Variants in WDSUB1 observed in about 807,000 individuals in gnomAD.
WDSUB1 encodes the protein WD repeat, sterile alpha motif and U-box domain containing 1.
In WDSUB1, 49 loss-of-function variants were observed where a neutral mutation model predicts 53.9. That is an observed-to-expected ratio of 0.91 (90% CI 0.72 to 1.15). The LOEUF (loss-of-function observed/expected upper bound fraction) is 1.15. Among genes scored for constraint, WDSUB1 ranks in the 50% most tolerant of loss-of-function variants. The pLI, the probability that WDSUB1 is intolerant of heterozygous loss-of-function variation, is 0.00. For synonymous variants in WDSUB1, 194 were observed against 200.6 expected (o/e 0.97, Z 0.28); for missense variants, 514 against 562.0 (o/e 0.91, Z 0.86).
intron 5 of WDSUB1, among the ~76,000 whole-genome samples, chr2:159,269,339 T>G (rs1420444411): frequency 6.6e-6 from 1 of 151,986 alleles, no homozygotes; most frequent in Non-Finnish European, 1.5e-5. Flanking sequence ...CCTGGCTAAT[T>G]TTTGTATTTT....
At chr2:159,259,770 A>C in intron 6 of WDSUB1, 40 bp downstream of exon 6, 1 of 1,493,474 alleles carries the variant, frequency 6.7e-7, no homozygotes. Flanking sequence ...TCTAATAAAC[A>C]TAACTTTCAT....
At position 159,279,760 on chromosome 2, in the gene WDSUB1, C is replaced by G. The variant is rs1409672012; in HGVS notation, c.583+1G>C. On this transcript the variant is annotated splice_donor_variant, in intron 3 of 10. Coordinates refer to ENST00000359774, the MANE Select transcript of WDSUB1 (RefSeq NM_001128212.3). LOFTEE classifies it high-confidence loss of function. ...GTGCTTAAAAGAATAAAATAACCAA[C>G]CAGAAACTGGCTGTGAAGAAAAATC... 1.9e-5 allele frequency: 30 copies of G among 1,600,592 alleles called. No individual in the cohort carries two copies. Among genetic ancestry groups the G allele is most frequent in the Non-Finnish European group, 2.6e-5 (30 of 1,172,794 alleles).
intron 10 of WDSUB1, among the ~76,000 whole-genome samples, chr2:159,245,232 C>G (rs2060766203): frequency 6.6e-6 from 1 of 152,114 alleles, no homozygotes. Context: ...GACTTCAAGA[C>G]TTACTATAAA....
intron 5 of WDSUB1, among the ~76,000 whole-genome samples, chr2:159,262,655 A>C (rs1054997773): frequency 6.6e-6 from 1 of 152,222 alleles, no homozygotes; most frequent in Admixed American, 6.5e-5. Flanking sequence ...GGATTTGATA[A>C]TTCATTAGAT....
chr2:159,261,766 T>C (rs960750604), intron 5 of WDSUB1, among the ~76,000 whole-genome samples: 2 of 148,890 alleles, frequency 1.3e-5, no homozygotes, highest in South Asian at 2.2e-4. Context: ...TATAGCTACA[T>C]GGCTGGGGGT....
At chr2:159,245,893 CGTT>C (rs1368038982) in intron 10 of WDSUB1, among the ~76,000 whole-genome samples, 5 of 152,068 alleles carry the variant, frequency 3.3e-5, no homozygotes, top group Admixed American at 6.6e-5. Flanking sequence ...AAATTAAAAA[CGTT>C]GTCTCTATAA....
At chr2:159,244,138 G>C (rs1021572708) in intron 10 of WDSUB1, among the ~76,000 whole-genome samples, 36 of 152,208 alleles carry the variant, frequency 2.4e-4, no homozygotes, top group Non-Finnish European at 4.1e-4. Flanking sequence ...GGTGAAAGTT[G>C]AATGCTTTCC....
In WDSUB1 at chr2:159,275,640, T is replaced by G. The variant is rs1321305101; in HGVS notation, c.584-2A>C. 1.3e-6 allele frequency: 2 copies of G among 1,587,102 alleles called. No homozygotes were observed. Among genetic ancestry groups the G allele is most frequent in the East Asian group, 2.3e-5 (1 of 44,310 alleles). On this transcript the variant is annotated splice_acceptor_variant, in intron 3 of 10. Transcript: ENST00000359774. LOFTEE classifies it high-confidence loss of function. ...AAAACTGAAGACCTTGTTCTCCATCTAAAATTTATTAAAAATAAATACAGA... is the reference window on the plus strand; with the variant it reads ...AAAACTGAAGACCTTGTTCTCCATCGAAAATTTATTAAAAATAAATACAGA...
In WDSUB1 at chr2:159,236,145, T is replaced by C. The variant is rs971159379; in HGVS notation, c.1319A>G (p.Lys440Arg). The change falls in exon 11 of 11, where the codon AAA becomes AGA. Residue 440 changes from lysine to arginine, a missense_variant. Lys to Arg is a conservative substitution (Grantham distance 26, BLOSUM62 2). Transcript: ENST00000359774. ...TGTCATGGGACTTGTACGTTTCTTT[T>C]TGCTGATCCAATTTTCCATTGCTTC... Reference protein sequence around the residue: ...EKEAMENWISKKKRTSPMTNL... With the variant: ...EKEAMENWISRKKRTSPMTNL... 1.9e-6 allele frequency: 3 copies of C among 1,613,228 alleles called. No individual in the cohort carries two copies. The highest frequency in any genetic ancestry group is 8.5e-7 in the Non-Finnish European group (1 of 1,179,788).
chr2:159,243,272 G>A (rs1173410836), intron 10 of WDSUB1, among the ~76,000 whole-genome samples: 1 of 147,782 alleles, frequency 6.8e-6, no homozygotes, highest in Admixed American at 6.6e-5. Flanking sequence ...TTTTGAAATG[G>A]TGGACAAATT....
intron 1 of WDSUB1, 124 bp from the exon 2 acceptor site, chr2:159,283,217 A>G (rs1157990562): frequency 1.2e-6 from 1 of 831,518 alleles, no homozygotes; most frequent in Non-Finnish European, 1.8e-6. Context: ...AACATTTTAA[A>G]GCAGTGGTCC....
intron 10 of WDSUB1, among the ~76,000 whole-genome samples, chr2:159,245,621 T>C (rs1175718156): frequency 6.6e-6 from 1 of 151,794 alleles, no homozygotes; most frequent in Non-Finnish European, 1.5e-5. Context: ...TCAAACATCA[T>C]ACAAAGTCTA....
At chr2:159,242,613 C>T (rs2060685567) in intron 10 of WDSUB1, among the ~76,000 whole-genome samples, 3 of 147,584 alleles carry the variant, frequency 2.0e-5, no homozygotes, top group South Asian at 4.3e-4. Context: ...CAAGATTGTG[C>T]CATTGCACTC....
chr2:159,276,122 G>C (rs7571107), intron 3 of WDSUB1, among the ~76,000 whole-genome samples: 1 of 151,132 alleles, frequency 6.6e-6, no homozygotes. Flanking sequence ...GCAGTGGTGC[G>C]ATCTTGGCAG....
rs1378668517 is a variant in WDSUB1, at chr2:159,283,100, T to A, written c.-24-7A>T. On this transcript the variant is annotated splice_region_variant and splice_polypyrimidine_tract_variant and intron_variant, in intron 1 of 10. Transcript: ENST00000359774. ...TTATTTGAAGAAAAACAGCCTGAAA[T>A]TTTTAAGCAGATAAAGATTATTTAT... 1 of 1,574,690 alleles carries A rather than the reference T, an allele frequency of 6.4e-7. No individual in the cohort carries two copies. The highest frequency in any genetic ancestry group is 2.3e-5 in the East Asian group (1 of 44,380).
intron 10 of WDSUB1, among the ~76,000 whole-genome samples, chr2:159,242,570 G>T (rs1394732244): frequency 6.8e-6 from 1 of 147,604 alleles, no homozygotes; most frequent in East Asian, 2.1e-4. Context: ...CAGGAGAATC[G>T]CTTGAACTGA....
Position 159,235,940 on chromosome 2 carries a change from C to T in WDSUB1, c.*93G>A. 2 of 1,196,068 alleles carry T rather than the reference C, an allele frequency of 1.7e-6. No homozygotes were observed. The highest frequency in any genetic ancestry group is 2.2e-6 in the Non-Finnish European group (2 of 917,182). 74.1% of individuals were successfully genotyped at this position (1,196,068 alleles called of 1,614,324 possible). A position where few individuals can be genotyped will look rare whatever the true frequency, so the allele number is the denominator to read the frequency against. On this transcript the variant is annotated 3_prime_UTR_variant, in exon 11 of 11. Transcript: ENST00000359774. Reference sequence around the variant, plus strand: ...CTAAATTTAAGAAGTTTACCTTTTTCCTGTTTTGCTTTTAATAATGTCTGA... The same window carrying T: ...CTAAATTTAAGAAGTTTACCTTTTTTCTGTTTTGCTTTTAATAATGTCTGA...
Position 159,239,242 on chromosome 2 carries a change from C to T in WDSUB1, c.1274-3052G>A, listed in dbSNP as rs1363845805. Among the ~76,000 whole-genome samples, 4 of 140,582 alleles carry T rather than the reference C, an allele frequency of 2.8e-5. No homozygotes were observed. In the East Asian group the frequency reaches 9.4e-4, roughly 33 times the overall value. The allele number at this position is 140,582 out of a possible 152,430, so 92.2% of individuals were successfully genotyped here. A position where few individuals can be genotyped will look rare whatever the true frequency, so the allele number is the denominator to read the frequency against. Reference sequence around the variant, plus strand: ...CTGGTCTAGAACACCTTGGCTCAAACAACGCTCCCACCTTGGCTTCCCAAA... The same window carrying T: ...CTGGTCTAGAACACCTTGGCTCAAATAACGCTCCCACCTTGGCTTCCCAAA... On this transcript the variant is annotated intron_variant, in intron 10 of 10. Coordinates refer to ENST00000359774, the MANE Select transcript of WDSUB1 (RefSeq NM_001128212.3).
In WDSUB1 at chr2:159,247,907, ATAAATATATATATATATATAAAT is replaced by A. The variant is rs1559531996; in HGVS notation, c.1273+442_1273+464del. ...AATAAATATATATATATATATATAT[ATAAATATATATATATATATAAAT>A]ATATATATATATAAAATTTGGATTC... On this transcript the variant is annotated intron_variant, in intron 10 of 10. Coordinates refer to ENST00000359774, the MANE Select transcript of WDSUB1 (RefSeq NM_001128212.3). Among the ~76,000 whole-genome samples, 9 of 18,014 alleles carry A rather than the reference ATAAATATATATATATATATAAAT, an allele frequency of 5.0e-4. No individual in the cohort carries two copies. The East Asian group carries it at 6.3e-3, about 13-fold the overall frequency. The allele number at this position is 18,014 out of a possible 152,430, so 11.8% of individuals were successfully genotyped here.
Sources: allele counts gnomAD v4.1 joint callset (sites outside exome capture counted in the v4.1 genomes callset), GRCh38; gene constraint gnomAD v4.1.1; transcripts MANE v1.5; gene names NCBI Gene and HGNC (gene_info 2026-07-23, HGNC 2026-07-21).